TEX14: variants seen among roughly 807,000 people sequenced by gnomAD.
TEX14 encodes the protein inactive serine/threonine-protein kinase TEX14.
A neutral mutation model predicts 178.6 loss-of-function variants in TEX14; 168 were observed. That is an observed-to-expected ratio of 0.94 (90% CI 0.83 to 1.07). TEX14 has a LOEUF of 1.07. Among genes scored for constraint, TEX14 ranks in the 50% least tolerant of loss-of-function variants. The pLI is 0.00. For missense variants in TEX14, 1,730 were observed against 1,753.6 expected (o/e 0.99, Z 0.24); for synonymous variants, 626 against 634.1 (o/e 0.99, Z 0.19).
Position 58,569,231 on chromosome 17 carries a change from C to A in TEX14, c.3847G>T (p.Glu1283Ter). 6.2e-7 allele frequency: 1 copy of A among 1,614,024 alleles called. No homozygotes were observed. The highest frequency in any genetic ancestry group is 8.5e-7 in the Non-Finnish European group (1 of 1,179,936). ...AGCTCCTGAGATGGTGGTGGCAGCT[C>A]ATCAATGTGATGCTGTGAGAAGGCT... is the stretch of plus-strand genomic sequence containing the variant. The part of the protein sequence containing the change: ...VEAFSQHHID[E>*]LPPPSQELLD... Residue 1283 changes from glutamate (E) to a stop codon, truncating the protein, a stop_gained, in exon 26 of 32, where the codon GAG (glutamate) becomes TAG (stop). Coordinates refer to ENST00000349033, the MANE Select transcript of TEX14 (RefSeq NM_031272.5). LOFTEE classifies it high-confidence loss of function. The surrounding 1 kb of genome is among the most constrained non-coding windows in gnomAD (Gnocchi z 4.1).
chr17:58,593,473 T>A, intron 15 of TEX14, 82 bp downstream of exon 15: 3 of 1,046,424 alleles, frequency 2.9e-6, no homozygotes, highest in African/African-American at 1.6e-5. Flanking sequence ...TCACTAGACA[T>A]AAGAAGATCA....
intron 21 of TEX14, among the ~76,000 whole-genome samples, chr17:58,574,837 G>A (rs2044638274): frequency 6.6e-6 from 1 of 152,042 alleles, no homozygotes; most frequent in South Asian, 2.1e-4. Flanking sequence ...ATACGACTGT[G>A]AGCAAATTCA....
intron 2 of TEX14, among the ~76,000 whole-genome samples, chr17:58,646,290 A>G (rs1276890330): frequency 6.6e-6 from 1 of 152,238 alleles, no homozygotes; most frequent in Non-Finnish European, 1.5e-5. Context: ...AACACAAAAC[A>G]ATATAAAATG....
At chr17:58,677,369 T>C (rs1209945556) in intron 1 of TEX14, among the ~76,000 whole-genome samples, 5 of 152,196 alleles carry the variant, frequency 3.3e-5, no homozygotes, top group African/African-American at 7.2e-5. Context: ...GTGGTACTCA[T>C]TGTGTACAAA....
At chr17:58,684,458 G>A (rs1451157153) in intron 1 of TEX14, among the ~76,000 whole-genome samples, 30 of 146,202 alleles carry the variant, frequency 2.1e-4, no homozygotes, top group African/African-American at 6.8e-4. Context: ...GCGAAACTCC[G>A]TCCCAAAAAA....
chr17:58,690,849 C>T (rs890527485), intron 1 of TEX14, among the ~76,000 whole-genome samples: 1 of 152,112 alleles, frequency 6.6e-6, no homozygotes, highest in African/African-American at 2.4e-5. Context: ...TGAATCTTGG[C>T]TTTAAGAAAA....
chr17:58,597,617 T>C (rs2045320777), intron 14 of TEX14, among the ~76,000 whole-genome samples: 2 of 152,274 alleles, frequency 1.3e-5, no homozygotes, highest in South Asian at 4.2e-4. Context: ...TTTATATCAC[T>C]GGGCTTGAGC....
intron 2 of TEX14, chr17:58,631,746 T>C (rs9889281): frequency 0.14 from 14,363 of 103,772 alleles, 883 homozygotes; most frequent in South Asian, 0.36. Flanking sequence ...AGAACACAAA[T>C]ATCTCCCTCT....
In TEX14 at chr17:58,587,985, T is replaced by C. The variant is rs1288809940; in HGVS notation, c.2613A>G (p.Lys871=). 1.9e-6 allele frequency: 3 copies of C among 1,580,504 alleles called. No individual in the cohort carries two copies. In the South Asian group the frequency reaches 3.3e-5, roughly 17 times the overall value. The change falls in exon 16 of 32, where the codon AAA becomes AAG. Residue 871 remains lysine, a synonymous_variant. Transcript: ENST00000349033. The part of the protein sequence containing the change: ...GRPRESTAQA[K]ATQFNSALFT... ...AGAGTGCACTATTAAACTGTGTGGC[T>C]TTGGCTTGGGCAGTGGACTCTCTAG...
At chr17:58,645,421 C>T (rs1167206549) in intron 2 of TEX14, among the ~76,000 whole-genome samples, 6 of 150,990 alleles carry the variant, frequency 4.0e-5, no homozygotes, top group African/African-American at 9.7e-5. Flanking sequence ...TGCAGTGGCG[C>T]GATCTCGGCT....
intron 2 of TEX14, among the ~76,000 whole-genome samples, chr17:58,634,645 G>A (rs1380036256): frequency 6.6e-6 from 1 of 152,134 alleles, no homozygotes; most frequent in Non-Finnish European, 1.5e-5. Flanking sequence ...CAGCCTAAGA[G>A]TAGAGAAGAG....
chr17:58,584,395 G>T, intron 19 of TEX14, 105 bp downstream of exon 19: 1 of 763,030 alleles, frequency 1.3e-6, no homozygotes, highest in Non-Finnish European at 2.2e-6. Context: ...CAGCCAAAAA[G>T]AACTACTATA....
intron 14 of TEX14, among the ~76,000 whole-genome samples, chr17:58,596,319 T>A (rs1353942733): frequency 6.6e-6 from 1 of 152,210 alleles, no homozygotes; most frequent in Non-Finnish European, 1.5e-5. Flanking sequence ...TCTCACTCTG[T>A]TGCCTGTGCT....
intron 9 of TEX14, among the ~76,000 whole-genome samples, chr17:58,611,937 G>C (rs2045754925): frequency 6.6e-6 from 1 of 152,210 alleles, no homozygotes; most frequent in South Asian, 2.1e-4. Context: ...GAGGTCCTCA[G>C]GCAGAAGGAA....
intron 2 of TEX14, among the ~76,000 whole-genome samples, chr17:58,640,020 A>G (rs1214451799): frequency 2.0e-5 from 3 of 152,144 alleles, no homozygotes; most frequent in Non-Finnish European, 2.9e-5. Context: ...CATAATGGTA[A>G]TAGCTACTGG....
Position 58,616,227 on chromosome 17 carries a change from C to A in TEX14, c.715G>T (p.Asp239Tyr). The change falls in exon 7 of 32, where the codon GAT becomes TAT. Residue 239 changes from aspartate (D) to tyrosine (Y), a missense_variant. Transcript: ENST00000349033. ...AAGAAAGAGAAGGTGGGCTCATCAT[C>A]AGCTTGAATCACTTCCTTTTCTCCA... ...VIGEKEVIQADDEPTFSFFSG... is the reference protein window; with the variant it reads ...VIGEKEVIQAYDEPTFSFFSG... 6.2e-7 allele frequency: 1 copy of A among 1,614,056 alleles called. No homozygotes were observed. Among genetic ancestry groups the A allele is most frequent in the East Asian group, 2.2e-5 (1 of 44,884 alleles).
intron 1 of TEX14, among the ~76,000 whole-genome samples, chr17:58,691,570 G>C (rs1297376582): frequency 1.3e-5 from 2 of 150,856 alleles, no homozygotes; most frequent in East Asian, 4.0e-4. Flanking sequence ...AAGAGGCTGA[G>C]GCAGGAGACT....
intron 18 of TEX14, among the ~76,000 whole-genome samples, chr17:58,584,984 A>AT (rs536530595): frequency 6.6e-6 from 1 of 152,108 alleles, no homozygotes; most frequent in East Asian, 1.9e-4. Context: ...TACAGCCTTC[A>AT]TTTTTTTTAA....
chr17:58,620,982 A>C (rs1399855305), intron 5 of TEX14, among the ~76,000 whole-genome samples: 1 of 152,178 alleles, frequency 6.6e-6, no homozygotes, highest in Non-Finnish European at 1.5e-5. Flanking sequence ...GGAAGCCTGC[A>C]AAAGTGTGGT....
Sources: allele counts gnomAD v4.1 joint callset (sites outside exome capture counted in the v4.1 genomes callset), GRCh38; gene constraint gnomAD v4.1.1; non-coding constraint Gnocchi (gnomAD v3.1); transcripts MANE v1.5; gene names NCBI Gene and HGNC (gene_info 2026-07-23, HGNC 2026-07-21).